Variants in CDH23 observed in about 807,000 individuals in gnomAD.
CDH23 encodes the protein cadherin related 23.
A neutral mutation model predicts 317.1 loss-of-function variants in CDH23; 189 were observed. That is an observed-to-expected ratio of 0.60 (90% confidence interval 0.53 to 0.67). The LOEUF (loss-of-function observed/expected upper bound fraction) is 0.67, where lower values mean the gene tolerates loss of function less well. Ranked by LOEUF, CDH23 falls within the 30% of genes least tolerant of loss-of-function variation. CDH23 has a pLI of 0.00. For synonymous variants in CDH23, 1,839 were observed against 1,876.8 expected (o/e 0.98, Z 0.52); for missense variants, 4,401 against 4,592.4 (o/e 0.96, Z 1.20).
At chr10:71,546,971 G>A (rs1856316080) in intron 6 of CDH23, among the ~76,000 whole-genome samples, 1 of 152,226 alleles carries the variant, frequency 6.6e-6, no homozygotes, top group African/African-American at 2.4e-5. Flanking sequence ...CAGATGAGGG[G>A]CAGGTCAAGA....
intron 3 of CDH23, among the ~76,000 whole-genome samples, chr10:71,486,304 G>A (rs1460645613): frequency 6.6e-6 from 1 of 152,156 alleles, no homozygotes; most frequent in African/African-American, 2.4e-5. Flanking sequence ...TAGGCACTCT[G>A]GGATTACAGA....
intron 11 of CDH23, among the ~76,000 whole-genome samples, chr10:71,642,211 G>T (rs963075357): frequency 4.6e-5 from 7 of 151,968 alleles, no homozygotes; most frequent in African/African-American, 1.7e-4. Context: ...GGAGCGCTCA[G>T]ATGGTACATC....
chr10:71,527,132 G>A (rs1855085692), intron 6 of CDH23, among the ~76,000 whole-genome samples: 1 of 152,230 alleles, frequency 6.6e-6, no homozygotes, highest in Non-Finnish European at 1.5e-5. Context: ...GTAGGACAGA[G>A]TGGGGTGGGG....
At chr10:71,480,404 G>A (rs1037940800) in intron 3 of CDH23, among the ~76,000 whole-genome samples, 16 of 152,228 alleles carry the variant, frequency 1.1e-4, no homozygotes, top group South Asian at 2.1e-4. Flanking sequence ...ACTGCTGTCC[G>A]GGTCGGACGG....
At chr10:71,745,971 G>T (rs1226426154) in intron 38 of CDH23, among the ~76,000 whole-genome samples, 1 of 152,224 alleles carries the variant, frequency 6.6e-6, no homozygotes, top group African/African-American at 2.4e-5. Flanking sequence ...GGCCTTCACT[G>T]GCTCAGGACC....
At chr10:71,615,191 T>C (rs934094088) in intron 9 of CDH23, among the ~76,000 whole-genome samples, 3 of 152,028 alleles carry the variant, frequency 2.0e-5, no homozygotes, top group African/African-American at 7.3e-5. Flanking sequence ...AAAAAAGAAA[T>C]CAAGCGAGTC....
At chr10:71,589,202 C>T (rs1367128441) in intron 9 of CDH23, among the ~76,000 whole-genome samples, 2 of 152,186 alleles carry the variant, frequency 1.3e-5, no homozygotes, top group Non-Finnish European at 2.9e-5. Flanking sequence ...TCACTGCAAC[C>T]TCTGCCTCCA....
chr10:71,733,395 C>A (rs1839455106), intron 32 of CDH23, among the ~76,000 whole-genome samples: 1 of 152,204 alleles, frequency 6.6e-6, no homozygotes, highest in Non-Finnish European at 1.5e-5. Context: ...AATCTCCAGC[C>A]TCTGTCCTCT....
intron 11 of CDH23, among the ~76,000 whole-genome samples, chr10:71,628,449 T>C (rs1194007331): frequency 6.6e-6 from 1 of 152,240 alleles, no homozygotes; most frequent in East Asian, 1.9e-4. Context: ...TCTCCAGGCC[T>C]CAGTTTCTCC....
intron 2 of CDH23, among the ~76,000 whole-genome samples, chr10:71,443,991 C>T (rs1185414845): frequency 6.6e-6 from 1 of 152,206 alleles, no homozygotes; most frequent in Non-Finnish European, 1.5e-5. Context: ...TAGAAATGAA[C>T]GATGCCACTG....
At position 71,645,652 on chromosome 10, in the gene CDH23, G is replaced by A. The variant is rs12572738; in HGVS notation, c.1141-179G>A. On this transcript the variant is annotated intron_variant, in intron 12 of 69. Transcript: ENST00000224721. Reference sequence around the variant, plus strand: ...AGGTTTCCAGAGGGCCTAGACATGGGTGGGTCATGGAGTCTTGGAGCTGCT... The same window carrying A: ...AGGTTTCCAGAGGGCCTAGACATGGATGGGTCATGGAGTCTTGGAGCTGCT... 0.022 allele frequency: 17,452 copies of A among 780,390 alleles called. 1,331 individuals carry two copies. The highest frequency in any genetic ancestry group is 0.16 in the East Asian group (6,345 of 40,864). The allele number at this position is 780,390 out of a possible 1,614,324, so 48.3% of individuals were successfully genotyped here.
intron 6 of CDH23, among the ~76,000 whole-genome samples, chr10:71,530,346 CCCT>C (rs1855301478): frequency 6.6e-6 from 1 of 152,226 alleles, no homozygotes; most frequent in Non-Finnish European, 1.5e-5. Context: ...CTTCCTCTCA[CCCT>C]GCCGGTGCCC....
At chr10:71,409,942 GCTCTGAGCAGCAGGCCT>G (rs552541125) in intron 1 of CDH23, among the ~76,000 whole-genome samples, 4 of 152,302 alleles carry the variant, frequency 2.6e-5, no homozygotes, top group African/African-American at 9.6e-5. Context: ...TGTGGCCAGG[GCTCTGAGCAGCAGGCCT>G]TACCTCTGGG....
At chr10:71,674,375 G>T (rs1589319624) in intron 14 of CDH23, among the ~76,000 whole-genome samples, 2 of 152,254 alleles carry the variant, frequency 1.3e-5, no homozygotes, top group South Asian at 4.2e-4. Flanking sequence ...TAGCCATGAG[G>T]GCTTTATCCA....
intron 3 of CDH23, among the ~76,000 whole-genome samples, chr10:71,478,249 C>A (rs1048700878): frequency 3.3e-5 from 5 of 152,230 alleles, no homozygotes; most frequent in African/African-American, 1.2e-4. Flanking sequence ...CTGCCGAGTG[C>A]TCTCAGCTTC....
chr10:71,516,106 A>G (rs1854320091), intron 6 of CDH23, among the ~76,000 whole-genome samples: 1 of 152,218 alleles, frequency 6.6e-6, no homozygotes, highest in Non-Finnish European at 1.5e-5. Flanking sequence ...ATGATTAGAG[A>G]CACTGCTGAG....
intron 11 of CDH23, among the ~76,000 whole-genome samples, chr10:71,621,349 C>T (rs866331824): frequency 3.3e-5 from 5 of 152,176 alleles, no homozygotes; most frequent in East Asian, 1.9e-4. Context: ...TGTGGAGCCA[C>T]GTGACTCTCA....
intron 1 of CDH23, among the ~76,000 whole-genome samples, chr10:71,428,424 C>T (rs1481777603): frequency 6.7e-6 from 1 of 149,286 alleles, no homozygotes; most frequent in Non-Finnish European, 1.5e-5. Flanking sequence ...AGATGCGAGC[C>T]ACCACGCCTG....
At chr10:71,413,905 T>G (rs563056349) in intron 1 of CDH23, among the ~76,000 whole-genome samples, 101 of 152,320 alleles carry the variant, frequency 6.6e-4, no homozygotes, top group South Asian at 2.5e-3. Context: ...AAATATTGTC[T>G]TCTTTTTGAT....
Sources: allele counts gnomAD v4.1 joint callset (sites outside exome capture counted in the v4.1 genomes callset), GRCh38; gene constraint gnomAD v4.1.1; transcripts MANE v1.5; gene names NCBI Gene and HGNC (gene_info 2026-07-23, HGNC 2026-07-21).